Variants in FARS2 observed in about 807,000 individuals in gnomAD.
FARS2 encodes the protein phenylalanyl-tRNA synthetase 2, mitochondrial.
Under a neutral mutation model 46.4 loss-of-function variants are expected in FARS2, and 40 were observed. The ratio of observed to expected loss-of-function variants is 0.86; its 90% CI spans 0.67 to 1.12. The LOEUF is 1.12. Ranked by LOEUF, FARS2 falls within the 50% of genes most tolerant of loss-of-function variation. FARS2 has a pLI of 0.00. For missense variants in FARS2, 513 were observed against 567.9 expected (o/e 0.90, Z 0.98); for synonymous variants, 234 against 214.9 (o/e 1.09, Z -0.78).
Position 5,431,037 on chromosome 6 carries a change from G to C in FARS2, c.773-4G>C. On this transcript the variant is annotated splice_region_variant and splice_polypyrimidine_tract_variant and intron_variant, in intron 3 of 6. Transcript: ENST00000274680. ...ACTTATTTGTTTCTTTGGCAACTTT[G>C]CAGAGCTGGAGATAAGATGGGTAGA... is the stretch of plus-strand genomic sequence containing the variant. 6.2e-7 allele frequency: 1 copy of C among 1,612,882 alleles called. No individual in the cohort carries two copies.
At chr6:5,345,877 A>G (rs1757199397) in intron 1 of FARS2, among the ~76,000 whole-genome samples, 1 of 152,202 alleles carries the variant, frequency 6.6e-6, no homozygotes. Context: ...AAGAGAATGG[A>G]CTTTTTGTTT....
At chr6:5,689,170 T>C (rs1582768462) in intron 6 of FARS2, among the ~76,000 whole-genome samples, 1 of 152,242 alleles carries the variant, frequency 6.6e-6, no homozygotes, top group Non-Finnish European at 1.5e-5. Context: ...GTTCATTGAT[T>C]TTTTGAAGGG....
chr6:5,433,172 G>A (rs567798915), intron 4 of FARS2, among the ~76,000 whole-genome samples: 36 of 152,110 alleles, frequency 2.4e-4, no homozygotes, highest in Admixed American at 3.9e-4. Context: ...TTAATTAACA[G>A]CTGTGTCTCT....
rs147347494 is a variant in FARS2 at position 5,740,790 on chromosome 6, T to C, written c.1218-30501T>C. 3.9e-3 allele frequency among the ~76,000 whole-genome samples: 590 copies of C among 152,332 alleles called. 4 individuals are homozygous for C. Among genetic ancestry groups the C allele is most frequent in the African/African-American group, 0.013 (538 of 41,566 alleles). On this transcript the variant is annotated intron_variant, in intron 6 of 6. Transcript: ENST00000274680. ...TGTAACCTGGGGGGAATAGCCCCACTGCTAGAGACTTCAGCACTCCAGGAT... is the reference window on the plus strand; with the variant it reads ...TGTAACCTGGGGGGAATAGCCCCACCGCTAGAGACTTCAGCACTCCAGGAT...
chr6:5,556,358 A>G (rs746809005), intron 5 of FARS2, among the ~76,000 whole-genome samples: 12 of 152,110 alleles, frequency 7.9e-5, no homozygotes, highest in Admixed American at 3.9e-4. Flanking sequence ...ACTTAACTAT[A>G]TTGGTCAAAA....
At chr6:5,321,507 G>T (rs1346433025) in intron 1 of FARS2, among the ~76,000 whole-genome samples, 5 of 152,174 alleles carry the variant, frequency 3.3e-5, no homozygotes, top group African/African-American at 1.2e-4. Flanking sequence ...CATAATTTGA[G>T]TGTGGCCTCT....
At chr6:5,679,863 C>T (rs1561795306) in intron 6 of FARS2, among the ~76,000 whole-genome samples, 1 of 147,948 alleles carries the variant, frequency 6.8e-6, no homozygotes, top group Non-Finnish European at 1.5e-5. Flanking sequence ...CACCCCCCAA[C>T]GCACACATTT....
chr6:5,710,232 G>A (rs1391932517), intron 6 of FARS2, among the ~76,000 whole-genome samples: 5 of 152,136 alleles, frequency 3.3e-5, no homozygotes, highest in African/African-American at 7.2e-5. Flanking sequence ...GCTGTACAAC[G>A]CAGCATGGTC....
chr6:5,527,214 C>T (rs1769522102), intron 4 of FARS2, among the ~76,000 whole-genome samples: 1 of 152,250 alleles, frequency 6.6e-6, no homozygotes, highest in Admixed American at 6.5e-5. Flanking sequence ...CCCTGTAAGT[C>T]TATTTTGTGA....
intron 3 of FARS2, among the ~76,000 whole-genome samples, chr6:5,421,118 A>C (rs950357409): frequency 2.6e-5 from 4 of 152,182 alleles, no homozygotes; most frequent in Non-Finnish European, 4.4e-5. Context: ...CATCTTGTGA[A>C]ATCTAGGTGG....
chr6:5,433,502 T>C (rs1266012286), intron 4 of FARS2, among the ~76,000 whole-genome samples: 1 of 152,218 alleles, frequency 6.6e-6, no homozygotes, highest in East Asian at 1.9e-4. Flanking sequence ...TGTAGTCATG[T>C]CTGTGTCTGC....
chr6:5,586,988 T>G (rs1376523679), intron 5 of FARS2, among the ~76,000 whole-genome samples: 1 of 152,300 alleles, frequency 6.6e-6, no homozygotes, highest in Non-Finnish European at 1.5e-5. Flanking sequence ...CTATATGACT[T>G]AATAATATGA....
rs568282071 is a variant in FARS2, at chr6:5,570,305, G to A, written c.1065+24965G>A. Among the ~76,000 whole-genome samples the A allele has an allele frequency of 3.3e-5, 5 of 152,304 alleles. No homozygotes were observed. The South Asian group carries it at 6.2e-4, about 19-fold the overall frequency. On this transcript the variant is annotated intron_variant, in intron 5 of 6. Transcript: ENST00000274680. Reference sequence around the variant, plus strand: ...GATATGTGAGGAAATGAGAAGAGACGATGATATTGAAAGTTGACTTGCATT... The same window carrying A: ...GATATGTGAGGAAATGAGAAGAGACAATGATATTGAAAGTTGACTTGCATT...
upstream of FARS2, among the ~76,000 whole-genome samples, chr6:5,256,491 GAAAAAAAAAAAAAAAAAAAAA>G (rs1161084364): frequency 1.8e-4 from 8 of 43,882 alleles, no homozygotes; most frequent in Admixed American, 3.4e-4. Flanking sequence ...ATTTCAACTG[GAAAAAAAAAAAAAAAAAAAAA>G]AAAAAAAAAA....
rs887863567 is a variant in FARS2 at position 5,471,863 on chromosome 6, G to A, written c.904+40691G>A. Reference sequence around the variant, plus strand: ...AGCTGCAGTGTGGTGCAGCAGATGCGTACTGGTGGTTGCCATGGAGATCGC... The same window carrying A: ...AGCTGCAGTGTGGTGCAGCAGATGCATACTGGTGGTTGCCATGGAGATCGC... On this transcript the variant is annotated intron_variant, in intron 4 of 6. Coordinates refer to ENST00000274680, the MANE Select transcript of FARS2 (RefSeq NM_006567.5). The surrounding 1 kb of genome is among the most constrained non-coding windows in gnomAD (Gnocchi z 4.1). Among the ~76,000 whole-genome samples the A allele has an allele frequency of 2.0e-5, 3 of 152,188 alleles. No individual in the cohort carries two copies. The highest frequency in any genetic ancestry group is 4.8e-5 in the African/African-American group (2 of 41,440).
intron 6 of FARS2, among the ~76,000 whole-genome samples, chr6:5,621,536 G>C (rs55883906): frequency 0.011 from 1,614 of 152,326 alleles, 31 homozygotes; most frequent in African/African-American, 0.037. Flanking sequence ...TGATTGACTT[G>C]AAATGGAAGG....
rs1406857148 is a variant in FARS2, at chr6:5,596,259, C to T, written c.1066-16910C>T. Among the ~76,000 whole-genome samples the T allele has an allele frequency of 4.6e-5, 7 of 152,270 alleles. No homozygotes were observed. In the South Asian group the frequency reaches 1.0e-3, roughly 23 times the overall value. On this transcript the variant is annotated intron_variant, in intron 5 of 6. Coordinates refer to ENST00000274680, the MANE Select transcript of FARS2 (RefSeq NM_006567.5). ...CTGAACAGGAGATTTGGGAGTCACACGCACCTCTGCTTTGATCCCAGCTCT... is the reference window on the plus strand; with the variant it reads ...CTGAACAGGAGATTTGGGAGTCACATGCACCTCTGCTTTGATCCCAGCTCT...
chr6:5,756,893 T>C (rs1020509800), intron 6 of FARS2, among the ~76,000 whole-genome samples: 1 of 152,232 alleles, frequency 6.6e-6, no homozygotes, highest in Non-Finnish European at 1.5e-5. Context: ...ACACACACTT[T>C]ACCCAACCTG....
At chr6:5,713,986 T>A (rs1282165364) in intron 6 of FARS2, among the ~76,000 whole-genome samples, 1 of 152,114 alleles carries the variant, frequency 6.6e-6, no homozygotes, top group Admixed American at 6.5e-5. Flanking sequence ...AATTAAAAAA[T>A]AAATCAGTTT....
Sources: gnomAD v4.1 joint callset for allele counts (sites outside exome capture counted in the v4.1 genomes callset) on GRCh38, gnomAD v4.1.1 for gene constraint, Gnocchi (gnomAD v3.1) non-coding constraint, MANE v1.5 for transcripts, NCBI Gene and HGNC (gene_info 2026-07-23, HGNC 2026-07-21) for gene names.